NFIC: variants seen among roughly 807,000 people sequenced by gnomAD.
NFIC encodes the protein nuclear factor I C.
NFIC carries 12 observed loss-of-function variants against 54.4 expected under a neutral mutation model. That is an observed-to-expected ratio of 0.22 (90% CI 0.14 to 0.36). The LOEUF (loss-of-function observed/expected upper bound fraction) is 0.36. NFIC is among the 10% of genes least tolerant of loss of function. NFIC has a pLI of 1.00. For missense variants in NFIC, 575 were observed against 718.2 expected (o/e 0.80, Z 2.28); for synonymous variants, 322 against 319.2 (o/e 1.01, Z -0.09).
chr19:3,403,684 C>T (rs1477775327), intron 2 of NFIC, among the ~76,000 whole-genome samples: 1 of 152,250 alleles, frequency 6.6e-6, no homozygotes. Flanking sequence ...CGGGCTCCCG[C>T]GCCTTCCTCC....
In NFIC at chr19:3,367,543, G is replaced by A. The variant is rs544796039; in HGVS notation, c.30+877G>A. Reference sequence around the variant, plus strand: ...CGCACTCCCAGACTGCCCCGGGGCCGAGCCTTGTGCAATGGCCGAGGGGGT... The same window carrying A: ...CGCACTCCCAGACTGCCCCGGGGCCAAGCCTTGTGCAATGGCCGAGGGGGT... On this transcript the variant is annotated intron_variant, in intron 1 of 10. Coordinates refer to ENST00000443272, the MANE Select transcript of NFIC (RefSeq NM_001245002.2). 3.3e-5 allele frequency among the ~76,000 whole-genome samples: 5 copies of A among 152,246 alleles called. No homozygotes were observed. The South Asian group carries it at 6.2e-4, about 19-fold the overall frequency.
rs541829681 is a variant in NFIC at position 3,466,798 on chromosome 19, G to C, written c.*4029G>C. 76 of 152,358 alleles carry C rather than the reference G, an allele frequency of 5.0e-4. No individual in the cohort carries two copies. Among genetic ancestry groups the C allele is most frequent in the African/African-American group, 1.8e-3 (74 of 41,550 alleles). The allele number at this position is 152,358 out of a possible 1,614,324, so 9.4% of individuals were successfully genotyped here. A position where few individuals can be genotyped will look rare whatever the true frequency, so the allele number is the denominator to read the frequency against. ...CACAGCCCACACCCGGGGGCCCAGA[G>C]TCCTGGGCTGGACGCCACCCTTCTC... On this transcript the variant is annotated 3_prime_UTR_variant, in exon 11 of 11. Coordinates refer to ENST00000443272, the MANE Select transcript of NFIC (RefSeq NM_001245002.2). This position sits in a 1 kb window ranked among gnomAD's most constrained non-coding sequence, Gnocchi z 4.8.
At chr19:3,383,140 G>GA (rs1555742079) in intron 2 of NFIC, among the ~76,000 whole-genome samples, 1 of 151,838 alleles carries the variant, frequency 6.6e-6, no homozygotes, top group African/African-American at 2.4e-5. Context: ...AGCCCTCCGA[G>GA]GAGAGCCAAG....
rs2082736111 is a variant in NFIC, at chr19:3,467,772, T to TATATATATATATATATATATATATAG, written c.*5020_*5021insTATATATAGATATATATATATATATA. 7.5e-6 allele frequency: 1 copy of TATATATATATATATATATATATATAG among 133,230 alleles called. No homozygotes were observed. Among genetic ancestry groups the TATATATATATATATATATATATATAG allele is most frequent in the Non-Finnish European group, 1.6e-5 (1 of 64,314 alleles). The allele number at this position is 133,230 out of a possible 1,614,324, so 8.3% of individuals were successfully genotyped here. On this transcript the variant is annotated 3_prime_UTR_variant, in exon 11 of 11. Coordinates refer to ENST00000443272, the MANE Select transcript of NFIC (RefSeq NM_001245002.2). ...GCTATACTATACATATATATATATA[T>TATATATATATATATATATATATATAG]ATATATATATATATATAATTTTGGA...
chr19:3,447,277 C>T (rs886301986), intron 6 of NFIC, among the ~76,000 whole-genome samples: 10 of 142,242 alleles, frequency 7.0e-5, no homozygotes, highest in Admixed American at 3.7e-4. Context: ...CCAGCCAGGG[C>T]GACAGAGGGA....
At position 3,369,936 on chromosome 19, in the gene NFIC, C is replaced by T. The variant is rs1221370462; in HGVS notation, c.30+3270C>T. 6.6e-6 allele frequency among the ~76,000 whole-genome samples: 1 copy of T among 152,218 alleles called. No individual in the cohort carries two copies. Among genetic ancestry groups the T allele is most frequent in the Admixed American group, 6.5e-5 (1 of 15,290 alleles). On this transcript the variant is annotated intron_variant, in intron 1 of 10. Transcript: ENST00000443272. The surrounding 1 kb of genome is among the most constrained non-coding windows in gnomAD (Gnocchi z 4.3). ...TCTCGGAGCACAATGTGCTTTGCTGCCATTTCTCCAGCAGGGTAACCGAGG... is the reference window on the plus strand; with the variant it reads ...TCTCGGAGCACAATGTGCTTTGCTGTCATTTCTCCAGCAGGGTAACCGAGG...
At chr19:3,414,319 G>A (rs1030115179) in intron 2 of NFIC, among the ~76,000 whole-genome samples, 9 of 152,060 alleles carry the variant, frequency 5.9e-5, no homozygotes, top group African/African-American at 1.9e-4. Context: ...AAGACAGGCC[G>A]GGCGCGGTGG....
chr19:3,428,331 TAGG>T (rs1281969507), intron 3 of NFIC, among the ~76,000 whole-genome samples: 1 of 147,864 alleles, frequency 6.8e-6, no homozygotes, highest in Non-Finnish European at 1.5e-5. Flanking sequence ...CCATCTGTAC[TAGG>T]AGGACACGGG....
chr19:3,451,142 G>A (rs1474909259), intron 7 of NFIC, among the ~76,000 whole-genome samples: 3 of 152,198 alleles, frequency 2.0e-5, no homozygotes, highest in African/African-American at 4.8e-5. Flanking sequence ...GAAAACGCAC[G>A]AGGCTCTGAC....
chr19:3,374,947 A>G (rs553962849), intron 1 of NFIC, among the ~76,000 whole-genome samples: 2 of 152,240 alleles, frequency 1.3e-5, no homozygotes, highest in South Asian at 4.1e-4. Context: ...CGGGGTCACC[A>G]CTGACGTGGG....
chr19:3,419,175 G>A (rs2081914322), intron 2 of NFIC, among the ~76,000 whole-genome samples: 1 of 152,180 alleles, frequency 6.6e-6, no homozygotes, highest in East Asian at 1.9e-4. Context: ...CATGGCCATT[G>A]GAATGTATTT....
chr19:3,385,710 C>T (rs753470328), intron 2 of NFIC, among the ~76,000 whole-genome samples: 6 of 151,454 alleles, frequency 4.0e-5, no homozygotes, highest in Non-Finnish European at 8.8e-5. Context: ...GTAGCTGGGA[C>T]TACACATGCC....
intron 1 of NFIC, chr19:3,359,803 G>C: frequency 1.8e-6 from 2 of 1,114,162 alleles, no homozygotes; most frequent in Non-Finnish European, 2.3e-6. Flanking sequence ...CGGAGGAGGG[G>C]CTCGAGGCGG....
rs1245739806 is a variant in NFIC, at chr19:3,452,050, G to T, written c.1085-432G>T. 3.3e-5 allele frequency among the ~76,000 whole-genome samples: 5 copies of T among 149,516 alleles called. No individual in the cohort carries two copies. The highest frequency in any genetic ancestry group is 5.9e-5 in the Non-Finnish European group (4 of 67,656). On this transcript the variant is annotated intron_variant, in intron 7 of 10. Transcript: ENST00000443272. The surrounding 1 kb of genome is among the most constrained non-coding windows in gnomAD (Gnocchi z 5.3). Reference sequence around the variant, plus strand: ...AATTGCTTGAACCCAGGAGGTGGAGGTTGCAGTGAGCTGAGGTCATACCAC... The same window carrying T: ...AATTGCTTGAACCCAGGAGGTGGAGTTTGCAGTGAGCTGAGGTCATACCAC...
intron 1 of NFIC, among the ~76,000 whole-genome samples, chr19:3,371,945 C>CTCCT (rs2081022914): frequency 9.0e-6 from 1 of 110,540 alleles, no homozygotes; most frequent in South Asian, 3.3e-4. Flanking sequence ...CCTTCCCTCC[C>CTCCT]TCCCTCCCTC....
At chr19:3,389,315 T>C (rs1444379504) in intron 2 of NFIC, among the ~76,000 whole-genome samples, 1 of 152,058 alleles carries the variant, frequency 6.6e-6, no homozygotes, top group Non-Finnish European at 1.5e-5. Flanking sequence ...CTGTGTGGCT[T>C]TGAGAAAAGT....
At chr19:3,417,099 A>G (rs1376998323) in intron 2 of NFIC, among the ~76,000 whole-genome samples, 1 of 148,262 alleles carries the variant, frequency 6.7e-6, no homozygotes, top group East Asian at 2.1e-4. Flanking sequence ...GTTAGCCAGG[A>G]TGGTCTCGAT....
At chr19:3,434,165 G>A in intron 4 of NFIC, 112 bp from the exon 5 acceptor site, 1 of 1,452,924 alleles carries the variant, frequency 6.9e-7, no homozygotes, top group Non-Finnish European at 9.1e-7. Context: ...GGGCCAATAT[G>A]GGAAGGGGGT....
intron 2 of NFIC, among the ~76,000 whole-genome samples, chr19:3,396,674 G>A (rs2081469693): frequency 6.6e-6 from 1 of 152,138 alleles, no homozygotes; most frequent in Admixed American, 6.6e-5. Flanking sequence ...AATGGCCCAG[G>A]GCCGAGCACG....
Sources: allele counts gnomAD v4.1 joint callset (sites outside exome capture counted in the v4.1 genomes callset), GRCh38; gene constraint gnomAD v4.1.1; non-coding constraint Gnocchi (gnomAD v3.1); transcripts MANE v1.5; gene names NCBI Gene and HGNC (gene_info 2026-07-23, HGNC 2026-07-21).